The following DBN1 variants were observed in gnomAD, a reference collection of about 807,000 sequenced individuals.
DBN1 encodes drebrin.
In DBN1, 21 loss-of-function variants were observed where a neutral mutation model predicts 83.5. That is an observed-to-expected ratio of 0.25 (90% CI 0.18 to 0.36). The LOEUF (loss-of-function observed/expected upper bound fraction) is 0.36, where lower values mean the gene tolerates loss of function less well. DBN1 is among the 10% of genes least tolerant of loss of function. The probability of loss-of-function intolerance (pLI) is 1.00; values close to 1 mark genes in which losing one functional copy is unlikely to be tolerated. For synonymous variants in DBN1, 381 were observed against 384.9 expected (o/e 0.99, Z 0.12); for missense variants, 874 against 935.7 (o/e 0.93, Z 0.86).
intron 1 of DBN1, chr5:177,472,232 C>A (rs765981343): frequency 1.9e-6 from 3 of 1,613,564 alleles, no homozygotes; most frequent in South Asian, 2.2e-5. Flanking sequence ...CTCCAGAAGC[C>A]CCCAGGTCAG....
chr5:177,458,930 C>T (rs1455392618), intron 12 of DBN1, among the ~76,000 whole-genome samples, 168 bp downstream of exon 12: 1 of 152,174 alleles, frequency 6.6e-6, no homozygotes, highest in Non-Finnish European at 1.5e-5. Flanking sequence ...TTAGAGAGGG[C>T]AGGTCTGACT....
In DBN1 at chr5:177,459,695, G is replaced by GAGC; in HGVS notation, c.1000_1001insGCT (p.Pro333_Ser334insCys). The GAGC allele has an allele frequency of 6.3e-7, 1 of 1,589,776 alleles. No individual in the cohort carries two copies. Among genetic ancestry groups the GAGC allele is most frequent in the Non-Finnish European group, 8.6e-7 (1 of 1,168,696 alleles). On this transcript the variant is annotated inframe_insertion, in exon 11 of 15. Coordinates refer to ENST00000393565, the MANE Select transcript of DBN1 (RefSeq NM_001363541.2). ...GGAGGAGGAGGAAGAGGAGGAGGAG[G>GAGC]AAGGCCCACTGTCCGATGCCTTTAT...
chr5:177,467,651 T>G lies in DBN1; in HGVS notation c.331-24A>C, dbSNP rs1467594632. 1 of 1,565,842 alleles carries G rather than the reference T, an allele frequency of 6.4e-7. No individual in the cohort carries two copies. The highest frequency in any genetic ancestry group is 8.7e-7 in the Non-Finnish European group (1 of 1,155,316). ...CCCTTCCGCAAGAAGACGGCAGTGC[T>G]CAGGCGGCACCATCCTCCCGCCATC... is the stretch of plus-strand genomic sequence containing the variant. On this transcript the variant is annotated intron_variant, in intron 4 of 14. Transcript: ENST00000393565. This position sits in a 1 kb window ranked among gnomAD's most constrained non-coding sequence, Gnocchi z 9.1.
In DBN1 at chr5:177,468,218, C is replaced by T. The variant is rs1374801639; in HGVS notation, c.145G>A (p.Gly49Arg). The T allele has an allele frequency of 1.2e-6, 2 of 1,613,628 alleles. No homozygotes were observed. Among genetic ancestry groups the T allele is most frequent in the South Asian group, 1.1e-5 (1 of 91,076 alleles). ...DDLKLAASGE[G>R]GLQELSGHFE... ...TGTCCCGAAAGCTCCTGCAAGCCCCCTTCTAGGGTAATCAGGAGAGTGTCA... is the reference window on the plus strand; with the variant it reads ...TGTCCCGAAAGCTCCTGCAAGCCCCTTTCTAGGGTAATCAGGAGAGTGTCA... The change falls in exon 3 of 15, where the codon GGG becomes AGG. Residue 49 changes from glycine to arginine, a missense_variant and splice_region_variant. Gly to Arg is a moderately radical substitution (Grantham distance 125). Around this residue, in one of 4 missense-constraint regions of DBN1, gnomAD observed 82 missense variants for 101.7 expected, o/e 0.81. Coordinates refer to ENST00000393565, the MANE Select transcript of DBN1 (RefSeq NM_001363541.2).
In DBN1 at chr5:177,466,943, G is replaced by A. The variant is rs778659555; in HGVS notation, c.675C>T (p.Tyr225=). ...RQEQEERERR[Y]REREQQIEEH... ...CCTCGATCTGCTGCTCCCGCTCCCGGTAGCGCCGCTCGCGCTCCTCTTGCT... is the reference window on the plus strand; with the variant it reads ...CCTCGATCTGCTGCTCCCGCTCCCGATAGCGCCGCTCGCGCTCCTCTTGCT... The change falls in exon 7 of 15, where the codon TAC becomes TAT. Residue 225 remains tyrosine (Y), a synonymous_variant. Coordinates refer to ENST00000393565, the MANE Select transcript of DBN1 (RefSeq NM_001363541.2). The surrounding 1 kb of genome is among the most constrained non-coding windows in gnomAD (Gnocchi z 4.8). The A allele has an allele frequency of 3.7e-6, 6 of 1,612,524 alleles. No homozygotes were observed. In the East Asian group the frequency reaches 8.9e-5, roughly 24 times the overall value.
At chr5:177,473,293 AGCCCCTCCC>A (rs1757983428) in intron 1 of DBN1, 134 bp downstream of exon 1, 1 of 404,730 alleles carries the variant, frequency 2.5e-6, no homozygotes, top group Non-Finnish European at 4.1e-6. Context: ...GCACAAAGGC[AGCCCCTCCC>A]GGCCCTCCCG....
rs1372528143 is a variant in DBN1, at chr5:177,459,593, T to C, written c.1093+10A>G. On this transcript the variant is annotated intron_variant, in intron 11 of 14. Transcript: ENST00000393565. ...TACCACCCCCGCCGAGGCCTGGGGCTGCTACCTACATGGGAGGGAGGAAGA... is the reference window on the plus strand; with the variant it reads ...TACCACCCCCGCCGAGGCCTGGGGCCGCTACCTACATGGGAGGGAGGAAGA... The C allele has an allele frequency of 5.3e-6, 8 of 1,505,990 alleles. No homozygotes were observed. In the South Asian group the frequency reaches 1.0e-4, roughly 19 times the overall value. The allele number at this position is 1,505,990 out of a possible 1,614,324, so 93.3% of individuals were successfully genotyped here. A position where few individuals can be genotyped will look rare whatever the true frequency, so the allele number is the denominator to read the frequency against.
At position 177,468,198 on chromosome 5, in the gene DBN1, C is replaced by G; in HGVS notation, c.165G>C (p.Ser55=). 6.2e-7 allele frequency: 1 copy of G among 1,614,096 alleles called. No homozygotes were observed. The highest frequency in any genetic ancestry group is 2.2e-5 in the East Asian group (1 of 44,876). The change falls in exon 3 of 15, where the codon TCG becomes TCC. Residue 55 remains serine, a synonymous_variant. Transcript: ENST00000393565. The stretch of plus-strand genomic sequence containing the variant: ...TCACCTTCTGGTTCTCAAAGTGTCC[C>G]GAAAGCTCCTGCAAGCCCCCTTCTA... The part of the protein sequence containing the change: ...ASGEGGLQEL[S]GHFENQKVMY...
At chr5:177,472,414 AC>A in intron 1 of DBN1, 1 of 1,418,486 alleles carries the variant, frequency 7.0e-7, no homozygotes, top group African/African-American at 1.5e-5. Context: ...GAAGAGTATT[AC>A]GGGGGGGTTA....
At chr5:177,462,403 T>G in intron 8 of DBN1, 1 of 985,504 alleles carries the variant, frequency 1.0e-6, no homozygotes, top group Non-Finnish European at 1.2e-6. Flanking sequence ...CACTGCTTCC[T>G]GGGGAAGGAC....
At chr5:177,469,348 C>T (rs1353704527) in intron 1 of DBN1, among the ~76,000 whole-genome samples, 2 of 152,032 alleles carry the variant, frequency 1.3e-5, no homozygotes, top group African/African-American at 4.8e-5. Flanking sequence ...GAAGAGAGAA[C>T]CTGGTGCTCC....
chr5:177,463,011 AAAG>A, intron 8 of DBN1, among the ~76,000 whole-genome samples: 1 of 151,790 alleles, frequency 6.6e-6, no homozygotes, highest in African/African-American at 2.4e-5. Context: ...TGCCTTGTTC[AAAG>A]AAAGGACCAG....
chr5:177,467,110 G>A lies in DBN1; in HGVS notation c.556-48C>T. ...GGGTAGGCCCCGAGCCTAGGCGCCT[G>A]GACCCTGCCCCTCCAGCCCCTCCCT... On this transcript the variant is annotated intron_variant, in intron 6 of 14. Coordinates refer to ENST00000393565, the MANE Select transcript of DBN1 (RefSeq NM_001363541.2). The surrounding 1 kb of genome is among the most constrained non-coding windows in gnomAD (Gnocchi z 9.1). 1.2e-6 allele frequency: 2 copies of A among 1,611,936 alleles called. No individual in the cohort carries two copies. The highest frequency in any genetic ancestry group is 4.5e-5 in the East Asian group (2 of 44,858).
intron 8 of DBN1, among the ~76,000 whole-genome samples, chr5:177,465,727 C>A (rs1298246848): frequency 6.6e-6 from 1 of 151,810 alleles, no homozygotes; most frequent in Non-Finnish European, 1.5e-5. Flanking sequence ...TGATGGTGTG[C>A]GCCTGTAATC....
In DBN1 at chr5:177,459,089, C is replaced by CT. The variant is rs1251684671; in HGVS notation, c.1264+8dup. ...GGGAGGCCTGGTGCAGGTAGCATCC[C>CT]TCTCTCACCTTGGGCTGGTGGGGGT... is the stretch of plus-strand genomic sequence containing the variant. On this transcript the variant is annotated intron_variant, in intron 12 of 14. Transcript: ENST00000393565. The CT allele has an allele frequency of 6.3e-6, 10 of 1,598,548 alleles. No individual in the cohort carries two copies. The highest frequency in any genetic ancestry group is 8.5e-6 in the Non-Finnish European group (10 of 1,173,302).
At chr5:177,473,225 T>A (rs892764612) in intron 1 of DBN1, 3 of 189,690 alleles carry the variant, frequency 1.6e-5, no homozygotes, top group Middle Eastern at 2.0e-3. Flanking sequence ...TTGGGCCGCC[T>A]CCGGGCGCTC....
rs1757679902 is a variant in DBN1, at chr5:177,469,233, C to T, written c.87-334G>A. On this transcript the variant is annotated intron_variant, in intron 1 of 14. Transcript: ENST00000393565. ...TTCCAAGGCGACGGTTCCTTGGTTA[C>T]CGTTCCCTGGCTACCAGGATCCTCA... Among the ~76,000 whole-genome samples, 3 of 152,090 alleles carry T rather than the reference C, an allele frequency of 2.0e-5. No homozygotes were observed. The South Asian group carries it at 6.2e-4, about 31-fold the overall frequency.
At chr5:177,469,004 G>T in intron 1 of DBN1, 105 bp from the exon 2 acceptor site, 2 of 597,982 alleles carry the variant, frequency 3.3e-6, no homozygotes, top group South Asian at 5.8e-5. Context: ...GGTAGGACAG[G>T]AACGGGGAGG....
chr5:177,466,471 C>T lies in DBN1; in HGVS notation c.771+301G>A, dbSNP rs557400576. Among the ~76,000 whole-genome samples, 3 of 152,320 alleles carry T rather than the reference C, an allele frequency of 2.0e-5. No homozygotes were observed. Among genetic ancestry groups the T allele is most frequent in the Admixed American group, 6.5e-5 (1 of 15,298 alleles). On this transcript the variant is annotated intron_variant, in intron 8 of 14. Coordinates refer to ENST00000393565, the MANE Select transcript of DBN1 (RefSeq NM_001363541.2). This position sits in a 1 kb window ranked among gnomAD's most constrained non-coding sequence, Gnocchi z 4.8. ...CTCAGAGTGCAGAACAGTGTCTAAT[C>T]GCCGAGAAACCCCAGGGCAGGGGAG...
Sources: gnomAD v4.1 joint callset for allele counts (sites outside exome capture counted in the v4.1 genomes callset) on GRCh38, gnomAD v4.1.1 for gene constraint, gnomAD v4.1.1 regional missense constraint, Gnocchi (gnomAD v3.1) non-coding constraint, MANE v1.5 for transcripts, NCBI Gene and HGNC (gene_info 2026-07-23, HGNC 2026-07-21) for gene names.